Variants in DCDC1 observed in about 807,000 individuals in gnomAD.
The protein encoded by DCDC1 is doublecortin domain containing 1, also known as doublecortin domain-containing protein 1.
Under a neutral mutation model 178.3 loss-of-function variants are expected in DCDC1, and 200 were observed. The observed-to-expected ratio is 1.12, with a 90% CI of 1.00 to 1.26. The LOEUF (loss-of-function observed/expected upper bound fraction) is 1.26, where lower values mean the gene tolerates loss of function less well. Among genes scored for constraint, DCDC1 ranks in the 50% most tolerant of loss-of-function variants. DCDC1 has a pLI of 0.00. For synonymous variants in DCDC1, 690 were observed against 604.8 expected (o/e 1.14, Z -2.07); for missense variants, 1,983 against 1,749.2 (o/e 1.13, Z -2.38).
intron 38 of DCDC1, among the ~76,000 whole-genome samples, chr11:30,868,242 CTTTTTT>C (rs35180579): frequency 3.3e-5 from 2 of 61,042 alleles, no homozygotes; most frequent in African/African-American, 7.7e-5. Context: ...TTCATACCTG[CTTTTTT>C]TTTTTTTTTT....
chr11:31,213,742 T>G (rs1973159582), intron 9 of DCDC1, among the ~76,000 whole-genome samples: 2 of 149,812 alleles, frequency 1.3e-5, no homozygotes, highest in Non-Finnish European at 3.0e-5. Flanking sequence ...AAAAAAAAAG[T>G]GGTCATCTTC....
intron 20 of DCDC1, among the ~76,000 whole-genome samples, chr11:31,059,442 C>T (rs754534588): frequency 4.3e-4 from 66 of 152,112 alleles, no homozygotes; most frequent in East Asian, 9.7e-4. Flanking sequence ...TATAATGCCA[C>T]GCTTCCAAAT....
intron 20 of DCDC1, among the ~76,000 whole-genome samples, chr11:30,956,064 G>T (rs1314336459): frequency 2.6e-5 from 4 of 152,050 alleles, no homozygotes; most frequent in African/African-American, 9.7e-5. Flanking sequence ...TCATCTAACT[G>T]GCAGGAGACC....
chr11:31,352,802 A>G (rs1216895696), intron 1 of DCDC1, among the ~76,000 whole-genome samples: 4 of 152,122 alleles, frequency 2.6e-5, no homozygotes, highest in African/African-American at 9.6e-5. Context: ...AAAAGGCTAC[A>G]CTCGTATGTA....
At chr11:31,336,117 A>G (rs1950260826) in intron 1 of DCDC1, among the ~76,000 whole-genome samples, 1 of 152,256 alleles carries the variant, frequency 6.6e-6, no homozygotes, top group Admixed American at 6.5e-5. Context: ...CAAATTGTAC[A>G]GATGTTAATA....
intron 22 of DCDC1, among the ~76,000 whole-genome samples, chr11:30,928,414 T>A (rs1416558134): frequency 6.6e-6 from 1 of 151,844 alleles, no homozygotes; most frequent in Non-Finnish European, 1.5e-5. Context: ...ATTCATGTTT[T>A]AAAAACTGGT....
intron 20 of DCDC1, among the ~76,000 whole-genome samples, chr11:31,061,343 T>A (rs1458294833): frequency 6.6e-6 from 1 of 152,140 alleles, no homozygotes; most frequent in African/African-American, 2.4e-5. Context: ...GAATATGGCA[T>A]TTACTTTACT....
At chr11:31,233,754 A>C (rs1976115621) in intron 9 of DCDC1, among the ~76,000 whole-genome samples, 1 of 152,190 alleles carries the variant, frequency 6.6e-6, no homozygotes, top group Non-Finnish European at 1.5e-5. Flanking sequence ...TTAGATCCTG[A>C]TCATGTTAAA....
intron 10 of DCDC1, among the ~76,000 whole-genome samples, chr11:31,130,191 C>CTCTAG (rs1304259067): frequency 6.6e-6 from 1 of 152,108 alleles, no homozygotes; most frequent in Non-Finnish European, 1.5e-5. Context: ...ATCAGAAACC[C>CTCTAG]CACTTCCTCT....
At chr11:31,228,412 C>G (rs1247005304) in intron 9 of DCDC1, among the ~76,000 whole-genome samples, 1 of 151,948 alleles carries the variant, frequency 6.6e-6, no homozygotes, top group Non-Finnish European at 1.5e-5. Flanking sequence ...ATAGCAAAAG[C>G]AGGGCTTTGA....
intron 9 of DCDC1, among the ~76,000 whole-genome samples, chr11:31,186,961 C>T (rs1235643589): frequency 6.6e-6 from 1 of 152,118 alleles, no homozygotes; most frequent in Non-Finnish European, 1.5e-5. Context: ...GTTATGGTGC[C>T]CTCAGTAAAG....
chr11:31,043,253 A>G (rs550757433), intron 20 of DCDC1, among the ~76,000 whole-genome samples: 2 of 152,284 alleles, frequency 1.3e-5, no homozygotes, highest in Non-Finnish European at 2.9e-5. Flanking sequence ...ACTTTTGCTG[A>G]TACATACTTG....
At chr11:31,026,417 G>A (rs777739920) in intron 20 of DCDC1, among the ~76,000 whole-genome samples, 23 of 151,722 alleles carry the variant, frequency 1.5e-4, no homozygotes, top group Non-Finnish European at 3.2e-4. Flanking sequence ...GTAAACTTAC[G>A]ATATTGTGCG....
intron 6 of DCDC1, among the ~76,000 whole-genome samples, chr11:31,305,378 C>G (rs1474893515): frequency 6.6e-6 from 1 of 152,108 alleles, no homozygotes; most frequent in Non-Finnish European, 1.5e-5. Context: ...TGCAGGCTCC[C>G]TAATGTCTAT....
At chr11:31,111,956 C>T (rs539859315) in intron 11 of DCDC1, among the ~76,000 whole-genome samples, 1 of 152,280 alleles carries the variant, frequency 6.6e-6, no homozygotes, top group East Asian at 1.9e-4. Context: ...TAGCTCACTA[C>T]TTTCTTCACT....
chr11:31,206,704 C>T (rs776854138), intron 9 of DCDC1, among the ~76,000 whole-genome samples: 2 of 152,068 alleles, frequency 1.3e-5, no homozygotes, highest in African/African-American at 4.8e-5. Context: ...TGTGAGCCAC[C>T]GCGCCTGGCC....
At chr11:31,201,136 G>A (rs1971242441) in intron 9 of DCDC1, among the ~76,000 whole-genome samples, 1 of 151,544 alleles carries the variant, frequency 6.6e-6, no homozygotes. Flanking sequence ...GAACTTAGAG[G>A]GTATTTATTA....
rs764794641 is a variant in DCDC1, at chr11:31,094,188, T to G, written c.1984-4A>C. The G allele has an allele frequency of 1.3e-6, 1 of 765,960 alleles. No homozygotes were observed. Among genetic ancestry groups the G allele is most frequent in the African/African-American group, 1.7e-5 (1 of 59,106 alleles). The allele number at this position is 765,960 out of a possible 1,614,324, so 47.4% of individuals were successfully genotyped here. ...GAAGGACAATATTGGGATCTACCTG[T>G]ATCATAAGAAGAAGTATGCATTTTT... On this transcript the variant is annotated splice_region_variant and splice_polypyrimidine_tract_variant and intron_variant, in intron 15 of 38. Transcript: ENST00000684477.
intron 3 of DCDC1, among the ~76,000 whole-genome samples, chr11:31,323,793 G>A (rs1192179676): frequency 6.6e-6 from 1 of 152,034 alleles, no homozygotes; most frequent in Non-Finnish European, 1.5e-5. Context: ...CCCCACTTAT[G>A]TTTGGTGAAT....
Sources: gnomAD v4.1 joint callset for allele counts (sites outside exome capture counted in the v4.1 genomes callset) on GRCh38, gnomAD v4.1.1 for gene constraint, MANE v1.5 for transcripts, NCBI Gene and HGNC (gene_info 2026-07-23, HGNC 2026-07-21) for gene names.